BBIP1: variants seen among roughly 807,000 people sequenced by gnomAD.
BBIP1 encodes BBSome-interacting protein 1.
Under a neutral mutation model 8.9 loss-of-function variants are expected in BBIP1, and 6 were observed. The ratio of observed to expected loss-of-function variants is 0.67; its 90% CI spans 0.37 to 1.33. The LOEUF is 1.33. BBIP1 is among the 40% of genes most tolerant of loss of function. The pLI is 0.02. For synonymous variants in BBIP1, 32 were observed against 33.4 expected, an observed-to-expected ratio of 0.96 and a Z score of 0.14; for missense variants, 111 against 109.2, an observed-to-expected ratio of 1.02 and a Z score of -0.07.
intron 2 of BBIP1, among the ~76,000 whole-genome samples, chr10:110,908,701 A>C (rs1023693530): frequency 3.3e-5 from 5 of 152,188 alleles, no homozygotes; most frequent in African/African-American, 9.6e-5. Context: ...TGGGGGAGGA[A>C]CTTTAGGTGC....
chr10:110,912,217 G>A (rs1846296611), intron 2 of BBIP1: 1 of 136,556 alleles, frequency 7.3e-6, no homozygotes, highest in Admixed American at 7.5e-5. Context: ...TGTCATGTTT[G>A]ATGCCATTCT....
At chr10:110,902,175 G>A (rs1846021028) in intron 2 of BBIP1, 1 of 153,458 alleles carries the variant, frequency 6.5e-6, no homozygotes. Context: ...TAATACAATA[G>A]GTGAAATTGG....
intron 3 of BBIP1, 190 bp from the exon 4 acceptor site, chr10:110,900,716 G>T: frequency 1.9e-6 from 1 of 517,080 alleles, no homozygotes. Context: ...TACTAGTAGG[G>T]TGCTTCTGAG....
chr10:110,905,830 C>T (rs1846119462), intron 2 of BBIP1, among the ~76,000 whole-genome samples: 1 of 151,964 alleles, frequency 6.6e-6, no homozygotes, highest in Non-Finnish European at 1.5e-5. Flanking sequence ...TAACTGTTAC[C>T]TCAGTCTTTT....
chr10:110,917,907 G>A, intron 2 of BBIP1: 1 of 583,116 alleles, frequency 1.7e-6, no homozygotes, highest in Admixed American at 3.1e-5. Context: ...TTCCTGCTGG[G>A]AAGAATCTGG....
chr10:110,900,238 T>C lies in BBIP1; in HGVS notation c.*122A>G. On this transcript the variant is annotated 3_prime_UTR_variant, in exon 4 of 4. Transcript: ENST00000448814. The stretch of plus-strand genomic sequence containing the variant: ...TCATCAATCTTGGATATTTTTGTAT[T>C]TCTATGAATACTATCAATTTTATTG... The C allele has an allele frequency of 2.1e-6, 2 of 943,902 alleles. No homozygotes were observed. Among genetic ancestry groups the C allele is most frequent in the Non-Finnish European group, 3.0e-6 (2 of 673,620 alleles). 58.5% of individuals were successfully genotyped at this position (943,902 alleles called of 1,614,324 possible).
intron 2 of BBIP1, among the ~76,000 whole-genome samples, chr10:110,917,086 CAA>C (rs1272902742): frequency 6.6e-6 from 1 of 151,488 alleles, no homozygotes; most frequent in African/African-American, 2.4e-5. Flanking sequence ...GGCCCATTTC[CAA>C]AAAGACTCCT....
chr10:110,918,370 G>C (rs1258381623), intron 1 of BBIP1, among the ~76,000 whole-genome samples, 157 bp from the exon 2 acceptor site: 2 of 152,214 alleles, frequency 1.3e-5, no homozygotes, highest in Non-Finnish European at 1.5e-5. Context: ...GGAGAGACGC[G>C]GAAAGGGGGG....
rs973117026 is a variant in BBIP1, at chr10:110,904,824, T to C, written c.38-3212A>G. ...GGAACATCCATAGAACGGAATACTA[T>C]GCCAAATTAAAAAATGATGCAGATT... On this transcript the variant is annotated intron_variant, in intron 2 of 3. Transcript: ENST00000448814. 6.6e-5 allele frequency: 10 copies of C among 152,192 alleles called. 1 individual carries two copies. The highest frequency in any genetic ancestry group is 1.9e-4 in the East Asian group (1 of 5,204). The allele number at this position is 152,192 out of a possible 1,614,324, so 9.4% of individuals were successfully genotyped here.
At chr10:110,903,970 A>C (rs1846069810) in intron 2 of BBIP1, 1 of 152,240 alleles carries the variant, frequency 6.6e-6, no homozygotes, top group Admixed American at 6.5e-5. Context: ...GCTTCATTAT[A>C]ATCTTATAGA....
chr10:110,909,363 T>A (rs1424633278), intron 2 of BBIP1, among the ~76,000 whole-genome samples: 2 of 151,960 alleles, frequency 1.3e-5, no homozygotes, highest in East Asian at 3.9e-4. Context: ...CCCAGCTAAT[T>A]TTTTGTATTT....
At chr10:110,903,528 A>C (rs1328946847) in intron 2 of BBIP1, 1 of 152,308 alleles carries the variant, frequency 6.6e-6, no homozygotes, top group Non-Finnish European at 1.5e-5. Flanking sequence ...ACAGGAAGGG[A>C]AGGGCTAAAA....
chr10:110,914,785 G>A (rs1846360293), intron 2 of BBIP1, among the ~76,000 whole-genome samples: 1 of 152,198 alleles, frequency 6.6e-6, no homozygotes, highest in African/African-American at 2.4e-5. Flanking sequence ...ATTCTTGGGT[G>A]AACTTGGATG....
chr10:110,909,229 T>G (rs984081464), intron 2 of BBIP1, among the ~76,000 whole-genome samples: 1 of 152,112 alleles, frequency 6.6e-6, no homozygotes, highest in Non-Finnish European at 1.5e-5. Flanking sequence ...GACGGAGTCT[T>G]GCTCTGGCAC....
intron 2 of BBIP1, among the ~76,000 whole-genome samples, chr10:110,905,580 A>G (rs749776334): frequency 6.6e-6 from 1 of 150,918 alleles, no homozygotes; most frequent in Non-Finnish European, 1.5e-5. Context: ...CCCTCCAAAA[A>G]AAAAAATCCC....
At chr10:110,915,259 T>C (rs944133282) in intron 2 of BBIP1, among the ~76,000 whole-genome samples, 3 of 152,094 alleles carry the variant, frequency 2.0e-5, no homozygotes, top group African/African-American at 7.2e-5. Context: ...TGGGCTCAAG[T>C]GATCTTCCAA....
rs1059878 is a variant in BBIP1, at chr10:110,900,234, G to T, written c.*126C>A. 1.1e-6 allele frequency: 1 copy of T among 909,104 alleles called. No individual in the cohort carries two copies. The highest frequency in any genetic ancestry group is 1.6e-6 in the Non-Finnish European group (1 of 642,808). The allele number at this position is 909,104 out of a possible 1,614,324, so 56.3% of individuals were successfully genotyped here. A position where few individuals can be genotyped will look rare whatever the true frequency, so the allele number is the denominator to read the frequency against. On this transcript the variant is annotated 3_prime_UTR_variant, in exon 4 of 4. Transcript: ENST00000448814. Reference sequence around the variant, plus strand: ...AATTTCATCAATCTTGGATATTTTTGTATTTCTATGAATACTATCAATTTT... The same window carrying T: ...AATTTCATCAATCTTGGATATTTTTTTATTTCTATGAATACTATCAATTTT...
chr10:110,903,861 G>C (rs989241098), intron 2 of BBIP1: 1 of 152,192 alleles, frequency 6.6e-6, no homozygotes, highest in Non-Finnish European at 1.5e-5. Context: ...TAACACAATG[G>C]TATTTGTGTA....
At chr10:110,912,143 C>T (rs893014590) in intron 2 of BBIP1, 5 of 145,750 alleles carry the variant, frequency 3.4e-5, no homozygotes, top group African/African-American at 1.3e-4. Context: ...CAACATGTAG[C>T]TTTTCTTTTC....
Sources: allele counts gnomAD v4.1 joint callset (sites outside exome capture counted in the v4.1 genomes callset), GRCh38; gene constraint gnomAD v4.1.1; transcripts MANE v1.5; gene names NCBI Gene and HGNC (gene_info 2026-07-23, HGNC 2026-07-21).